The following GNA13 variants were observed in gnomAD, a reference collection of about 807,000 sequenced individuals.
GNA13 encodes G protein subunit alpha 13.
In GNA13, 4 loss-of-function variants were observed where a neutral mutation model predicts 33.5. The ratio of observed to expected loss-of-function variants is 0.12; its 90% CI spans 0.06 to 0.27. The LOEUF is 0.27. GNA13 is among the 10% of genes least tolerant of loss of function. The pLI, the probability that GNA13 is intolerant of heterozygous loss-of-function variation, is 1.00. For missense variants in GNA13, 319 were observed against 487.2 expected, an observed-to-expected ratio of 0.65 and a Z score of 3.25; for synonymous variants, 176 against 183.8, an observed-to-expected ratio of 0.96 and a Z score of 0.34.
At chr17:65,044,507 T>C (rs1158501647) in intron 2 of GNA13, among the ~76,000 whole-genome samples, 1 of 151,808 alleles carries the variant, frequency 6.6e-6, no homozygotes, top group Non-Finnish European at 1.5e-5. Context: ...TGGAAAAAAA[T>C]TTGTGACAAG....
At chr17:65,027,993 C>T (rs1388566964) in intron 2 of GNA13, among the ~76,000 whole-genome samples, 3 of 152,120 alleles carry the variant, frequency 2.0e-5, no homozygotes, top group African/African-American at 4.8e-5. Context: ...AATCCCAGTA[C>T]TCTGGGAGGC....
intron 3 of GNA13, among the ~76,000 whole-genome samples, chr17:65,017,074 T>C (rs1390586333): frequency 3.9e-5 from 6 of 152,096 alleles, no homozygotes; most frequent in Non-Finnish European, 7.4e-5. Flanking sequence ...ATTAAAATAA[T>C]CAGGGGTACG....
In GNA13 at chr17:65,052,846, T is replaced by C. The variant is rs536459145; in HGVS notation, c.510+656A>G. ...GAGTTCAAGATCAGCCTGGCCAACA[T>C]GGCGAAACTGCCTCTACTAAAAAGA... is the stretch of plus-strand genomic sequence containing the variant. On this transcript the variant is annotated intron_variant, in intron 2 of 3. Transcript: ENST00000439174. 1.4e-4 allele frequency among the ~76,000 whole-genome samples: 21 copies of C among 152,220 alleles called. No individual in the cohort carries two copies. The East Asian group carries it at 3.9e-3, about 28-fold the overall frequency.
At chr17:65,047,074 G>A (rs773574060) in intron 2 of GNA13, among the ~76,000 whole-genome samples, 5 of 151,930 alleles carry the variant, frequency 3.3e-5, no homozygotes, top group East Asian at 1.9e-4. Context: ...AGGAACTGAC[G>A]GAAATTTTAA....
intron 2 of GNA13, among the ~76,000 whole-genome samples, chr17:65,037,403 G>A (rs1291352996): frequency 1.3e-5 from 2 of 152,044 alleles, no homozygotes; most frequent in Non-Finnish European, 2.9e-5. Context: ...TCCCTCACCA[G>A]GGCACCTGCT....
chr17:65,048,488 C>T (rs888226502), intron 2 of GNA13, among the ~76,000 whole-genome samples: 1 of 152,164 alleles, frequency 6.6e-6, no homozygotes, highest in South Asian at 2.1e-4. Context: ...CCACTTCTTA[C>T]AATCTATTAT....
intron 1 of GNA13, 72 bp downstream of exon 1, chr17:65,056,239 G>GCCCGGCCCCCCCCC (rs1908052000): frequency 2.9e-5 from 27 of 936,150 alleles, no homozygotes; most frequent in East Asian, 6.4e-5. Context: ...CCAGGGCGGT[G>GCCCGGCCCCCCCCC]CCCCGCCCCG....
intron 2 of GNA13, among the ~76,000 whole-genome samples, chr17:65,049,142 C>T (rs1450448484): frequency 6.6e-6 from 1 of 152,166 alleles, no homozygotes; most frequent in Non-Finnish European, 1.5e-5. Context: ...CAGGGTCTCA[C>T]TCTGACGTTC....
intron 2 of GNA13, among the ~76,000 whole-genome samples, chr17:65,039,083 G>A (rs1229505030): frequency 6.6e-6 from 1 of 152,134 alleles, no homozygotes; most frequent in Non-Finnish European, 1.5e-5. Context: ...ATGATCCTGT[G>A]ATTTGAGTAA....
At chr17:65,043,847 G>A (rs1350027005) in intron 2 of GNA13, among the ~76,000 whole-genome samples, 1 of 152,312 alleles carries the variant, frequency 6.6e-6, no homozygotes, top group East Asian at 1.9e-4. Flanking sequence ...TCGAGGCTGG[G>A]CACAGTGGTC....
intron 2 of GNA13, among the ~76,000 whole-genome samples, chr17:65,049,880 T>G (rs1408168853): frequency 6.6e-6 from 1 of 152,170 alleles, no homozygotes; most frequent in Non-Finnish European, 1.5e-5. Flanking sequence ...TTAGTGTGAT[T>G]ATCACTACAT....
At chr17:65,031,919 A>AGTGT (rs1907050606) in intron 2 of GNA13, among the ~76,000 whole-genome samples, 8 of 125,476 alleles carry the variant, frequency 6.4e-5, no homozygotes, top group African/African-American at 2.5e-4. Flanking sequence ...AGAGAGAGAG[A>AGTGT]GAGTGTGTGT....
rs1238637844 is a variant in GNA13, at chr17:65,010,193, C to A, written c.*4064G>T. Among the ~76,000 whole-genome samples the A allele has an allele frequency of 1.3e-5, 2 of 152,174 alleles. No homozygotes were observed. The highest frequency in any genetic ancestry group is 2.9e-5 in the Non-Finnish European group (2 of 68,030). On this transcript the variant is annotated 3_prime_UTR_variant, in exon 4 of 4. Coordinates refer to ENST00000439174, the MANE Select transcript of GNA13 (RefSeq NM_006572.6). ...TAAATGCTAACTACACGTTCAAGTA[C>A]AGACATAAGAATGCTAGTGGTACAA... is the stretch of plus-strand genomic sequence containing the variant.
In GNA13 at chr17:65,056,168, G is replaced by A. The variant is rs902339049; in HGVS notation, c.283+143C>T. 1.6e-5 allele frequency: 9 copies of A among 566,642 alleles called. No homozygotes were observed. In the African/African-American group the frequency reaches 1.6e-4, roughly 10 times the overall value. 35.1% of individuals were successfully genotyped at this position (566,642 alleles called of 1,614,324 possible). ...CGGGCGGGCAGGGCCAGTTGCCGGG[G>A]CGCGCCCCCTTCCCGCCAGCCCGCC... On this transcript the variant is annotated intron_variant, in intron 1 of 3. Coordinates refer to ENST00000439174, the MANE Select transcript of GNA13 (RefSeq NM_006572.6).
intron 2 of GNA13, among the ~76,000 whole-genome samples, chr17:65,036,260 T>G (rs934801272): frequency 6.6e-6 from 1 of 152,212 alleles, no homozygotes; most frequent in Admixed American, 6.5e-5. Flanking sequence ...ATGTGAAAAT[T>G]AGCTCAAAAT....
intron 2 of GNA13, among the ~76,000 whole-genome samples, chr17:65,028,035 G>C (rs967124343): frequency 5.9e-5 from 9 of 152,098 alleles, no homozygotes; most frequent in Non-Finnish European, 1.2e-4. Flanking sequence ...TCAGGAGATC[G>C]AGCTCACGGT....
At chr17:65,025,294 C>A (rs979810104) in intron 2 of GNA13, among the ~76,000 whole-genome samples, 2 of 151,222 alleles carry the variant, frequency 1.3e-5, no homozygotes, top group Non-Finnish European at 2.9e-5. Flanking sequence ...GAATCATAAA[C>A]AATAAAATTA....
At chr17:65,031,890 G>GAGAC (rs747118366) in intron 2 of GNA13, among the ~76,000 whole-genome samples, 42 of 86,240 alleles carry the variant, frequency 4.9e-4, no homozygotes, top group South Asian at 4.8e-3. Flanking sequence ...GAGAGAGAGA[G>GAGAC]AGAGAAAGAG....
At chr17:65,026,878 A>C (rs553949709) in intron 2 of GNA13, among the ~76,000 whole-genome samples, 2 of 152,308 alleles carry the variant, frequency 1.3e-5, no homozygotes, top group African/African-American at 4.8e-5. Context: ...TCCCAGGTTC[A>C]AGCGATTCTT....
Sources: allele counts gnomAD v4.1 joint callset (sites outside exome capture counted in the v4.1 genomes callset), GRCh38; gene constraint gnomAD v4.1.1; transcripts MANE v1.5; gene names NCBI Gene and HGNC (gene_info 2026-07-23, HGNC 2026-07-21).